FAM184A: variants seen among roughly 807,000 people sequenced by gnomAD.
The protein encoded by FAM184A is family with sequence similarity 184 member A.
Under a neutral mutation model 143.8 loss-of-function variants are expected in FAM184A, and 99 were observed. The observed-to-expected ratio is 0.69, with a 90% confidence interval of 0.58 to 0.81. FAM184A has a LOEUF of 0.81. Among genes scored for constraint, FAM184A ranks in the 40% least tolerant of loss-of-function variants. The probability of loss-of-function intolerance (pLI) is 0.00; values close to 1 mark genes in which losing one functional copy is unlikely to be tolerated. For synonymous variants in FAM184A, 427 were observed against 446.4 expected (o/e 0.96, Z 0.55); for missense variants, 1,217 against 1,310.5 (o/e 0.93, Z 1.10).
chr6:119,090,254 T>C (rs1788332724), intron 1 of FAM184A, among the ~76,000 whole-genome samples: 1 of 152,228 alleles, frequency 6.6e-6, no homozygotes, highest in Non-Finnish European at 1.5e-5. Context: ...TCTTGTAAAA[T>C]GAATCTCAGA....
Position 119,025,377 on chromosome 6 carries a change from G to A in FAM184A, c.160-564C>T, listed in dbSNP as rs1785594277. On this transcript the variant is annotated intron_variant, in intron 1 of 17. Transcript: ENST00000338891. ...TCCCCTATAGTTTGCTTCTAAAGCT[G>A]ATCCTCTTCTCTCTTCAAGTTTCTA... The A allele has an allele frequency of 1.2e-5, 6 of 502,116 alleles. 1 individual carries two copies. Among genetic ancestry groups the A allele is most frequent in the South Asian group, 8.8e-5 (6 of 67,912 alleles). 31.1% of individuals were successfully genotyped at this position (502,116 alleles called of 1,614,324 possible). A position where few individuals can be genotyped will look rare whatever the true frequency, so the allele number is the denominator to read the frequency against.
At chr6:119,097,142 A>G (rs544434645) in intron 1 of FAM184A, among the ~76,000 whole-genome samples, 40 of 152,032 alleles carry the variant, frequency 2.6e-4, no homozygotes, top group Non-Finnish European at 5.1e-4. Flanking sequence ...CACCCTTCCC[A>G]TCTCGCAGTT....
chr6:118,970,672 G>A (rs1430989153), intron 14 of FAM184A, among the ~76,000 whole-genome samples: 2 of 152,112 alleles, frequency 1.3e-5, no homozygotes, highest in Non-Finnish European at 2.9e-5. Flanking sequence ...TACCACACAA[G>A]TGTAGCCTTT....
chr6:119,096,059 T>C (rs2114826885), intron 1 of FAM184A, among the ~76,000 whole-genome samples: 1 of 152,280 alleles, frequency 6.6e-6, no homozygotes, highest in African/African-American at 2.4e-5. Flanking sequence ...AAGCAACTCA[T>C]GTCATTTGAA....
intron 1 of FAM184A, among the ~76,000 whole-genome samples, chr6:119,086,875 A>G (rs931961486): frequency 6.6e-6 from 1 of 152,160 alleles, no homozygotes; most frequent in Non-Finnish European, 1.5e-5. Context: ...GAGATGATGA[A>G]CCACTGACCT....
chr6:119,000,003 G>C (rs1784697665), intron 9 of FAM184A, among the ~76,000 whole-genome samples: 1 of 152,034 alleles, frequency 6.6e-6, no homozygotes, highest in African/African-American at 2.4e-5. Flanking sequence ...TCAGATACAG[G>C]GCTATAATCA....
intron 9 of FAM184A, among the ~76,000 whole-genome samples, chr6:118,984,181 ATATATATATTTATATT>A (rs1184331892): frequency 1.4e-3 from 196 of 140,214 alleles, no homozygotes; most frequent in Middle Eastern, 7.4e-3. Context: ...ATATATATTT[ATATATATATTTATATT>A]TATATATATT....
At chr6:119,027,802 G>A (rs918686444) in intron 1 of FAM184A, among the ~76,000 whole-genome samples, 6 of 152,130 alleles carry the variant, frequency 3.9e-5, no homozygotes, top group Admixed American at 1.3e-4. Context: ...GGGAAATGAA[G>A]ACTAAATTTT....
At chr6:119,131,301 TAAATA>T (rs1789528233) in intron 1 of FAM184A, among the ~76,000 whole-genome samples, 1 of 151,940 alleles carries the variant, frequency 6.6e-6, no homozygotes, top group Non-Finnish European at 1.5e-5. Flanking sequence ...CTGGATTAAT[TAAATA>T]AAACAATAAT....
At chr6:119,126,933 T>G (rs1406184006) in intron 1 of FAM184A, among the ~76,000 whole-genome samples, 5 of 152,200 alleles carry the variant, frequency 3.3e-5, no homozygotes, top group African/African-American at 4.8e-5. Context: ...AGTCCCATCA[T>G]CAAGCCATCC....
chr6:119,146,245 G>C (rs540577607), intron 1 of FAM184A, among the ~76,000 whole-genome samples: 2 of 152,204 alleles, frequency 1.3e-5, no homozygotes, highest in East Asian at 3.9e-4. Flanking sequence ...GCTGAGTATA[G>C]ATATGGCCAA....
At chr6:119,106,394 A>G (rs1788783347) in intron 1 of FAM184A, among the ~76,000 whole-genome samples, 1 of 151,904 alleles carries the variant, frequency 6.6e-6, no homozygotes, top group Non-Finnish European at 1.5e-5. Flanking sequence ...CTCCGTCTCA[A>G]AACAAACAAA....
At chr6:119,037,043 T>G (rs1217451418) in intron 1 of FAM184A, among the ~76,000 whole-genome samples, 1 of 152,212 alleles carries the variant, frequency 6.6e-6, no homozygotes. Context: ...ACTGAGAGAA[T>G]GAGTGCCATG....
chr6:118,984,215 ATATATATT>A (rs1784119745), intron 9 of FAM184A, among the ~76,000 whole-genome samples: 1 of 144,546 alleles, frequency 6.9e-6, no homozygotes, highest in African/African-American at 2.5e-5. Context: ...ATTTATATTT[ATATATATT>A]TGTATATTTA....
chr6:119,134,325 C>A (rs539139376), intron 1 of FAM184A, among the ~76,000 whole-genome samples: 15 of 152,110 alleles, frequency 9.9e-5, no homozygotes, highest in African/African-American at 3.4e-4. Context: ...CTAAACTGTG[C>A]GGTACCAGTT....
At chr6:119,032,615 G>A (rs1190657292) in intron 1 of FAM184A, among the ~76,000 whole-genome samples, 2 of 144,226 alleles carry the variant, frequency 1.4e-5, no homozygotes, top group Non-Finnish European at 1.5e-5. Flanking sequence ...GGGGGGAGAG[G>A]GAGGGGGAGG....
chr6:119,074,337 T>TC (rs1291318699), intron 1 of FAM184A, among the ~76,000 whole-genome samples: 1 of 152,142 alleles, frequency 6.6e-6, no homozygotes, highest in African/African-American at 2.4e-5. Flanking sequence ...GTTACTGGTT[T>TC]CCCCCTTGCA....
At chr6:119,135,362 A>C (rs1228704154) in intron 1 of FAM184A, among the ~76,000 whole-genome samples, 1 of 152,182 alleles carries the variant, frequency 6.6e-6, no homozygotes, top group Non-Finnish European at 1.5e-5. Context: ...GGAGAGGAAC[A>C]CACAAAAGGC....
chr6:119,112,518 G>A (rs1404648702), intron 1 of FAM184A, among the ~76,000 whole-genome samples: 1 of 152,136 alleles, frequency 6.6e-6, no homozygotes, highest in Non-Finnish European at 1.5e-5. Flanking sequence ...AACATTTTTA[G>A]TTTTCTGGCC....
Sources: gnomAD v4.1 joint callset for allele counts (sites outside exome capture counted in the v4.1 genomes callset) on GRCh38, gnomAD v4.1.1 for gene constraint, MANE v1.5 for transcripts, NCBI Gene and HGNC (gene_info 2026-07-23, HGNC 2026-07-21) for gene names.